The following PCSK5 variants were observed in gnomAD, a reference collection of about 807,000 sequenced individuals.
PCSK5 encodes proprotein convertase subtilisin/kexin type 5, also known as prohormone convertase 5.
PCSK5 carries 129 observed loss-of-function variants against 233.2 expected under a neutral mutation model. That is an observed-to-expected ratio of 0.55 (90% CI 0.48 to 0.64). PCSK5 has a LOEUF of 0.64. Ranked by LOEUF, PCSK5 falls within the 30% of genes least tolerant of loss-of-function variation. The pLI is 0.00. For synonymous variants in PCSK5, 825 were observed against 879.2 expected (o/e 0.94, Z 1.09); for missense variants, 2,076 against 2,430.1 (o/e 0.85, Z 3.06).
intron 7 of PCSK5, among the ~76,000 whole-genome samples, chr9:76,094,069 CCT>C (rs1469652886): frequency 1.3e-5 from 2 of 152,082 alleles, no homozygotes; most frequent in African/African-American, 4.8e-5. Context: ...AGTTTATCCC[CCT>C]CTCTATTCAT....
intron 8 of PCSK5, among the ~76,000 whole-genome samples, chr9:76,096,630 G>A (rs1264817259): frequency 1.4e-5 from 2 of 147,366 alleles, no homozygotes; most frequent in Admixed American, 6.8e-5. Flanking sequence ...TTGAGATGAA[G>A]TCTAACTGTT....
At chr9:76,035,659 G>A (rs978222381) in intron 5 of PCSK5, among the ~76,000 whole-genome samples, 4 of 152,092 alleles carry the variant, frequency 2.6e-5, no homozygotes, top group East Asian at 1.9e-4. Context: ...GATGGAAATC[G>A]CAGTAAAGGA....
At chr9:76,315,667 C>G (rs1829003264) in intron 30 of PCSK5, among the ~76,000 whole-genome samples, 1 of 130,360 alleles carries the variant, frequency 7.7e-6, no homozygotes, top group Non-Finnish European at 1.6e-5. Context: ...TTTTTTGAGA[C>G]AGAGTCTTGC....
intron 5 of PCSK5, among the ~76,000 whole-genome samples, chr9:76,065,127 A>G (rs1387753162): frequency 2.0e-5 from 3 of 152,210 alleles, no homozygotes; most frequent in Non-Finnish European, 4.4e-5. Context: ...TATCTTTTCA[A>G]TAGGCTGACT....
At chr9:76,277,402 AT>A (rs1827728400) in intron 24 of PCSK5, among the ~76,000 whole-genome samples, 2 of 152,202 alleles carry the variant, frequency 1.3e-5, no homozygotes, top group African/African-American at 2.4e-5. Context: ...CTAGAGAAGC[AT>A]GGAAATCCAC....
At chr9:75,931,886 A>G (rs1326487000) in intron 1 of PCSK5, among the ~76,000 whole-genome samples, 1 of 151,710 alleles carries the variant, frequency 6.6e-6, no homozygotes, top group Non-Finnish European at 1.5e-5. Context: ...AGTCACAAAC[A>G]AACGAAGTCA....
At position 76,027,414 on chromosome 9, in the gene PCSK5, A is replaced by G. The variant is rs545025603; in HGVS notation, c.632+377A>G. ...TCTGTTAAATTCAACACATGATTGA[A>G]TACTGCATTTGAGGTCCCTACCTGA... On this transcript the variant is annotated intron_variant, in intron 5 of 37. Coordinates refer to ENST00000674117, the MANE Select transcript of PCSK5 (RefSeq NM_001372043.1). Among the ~76,000 whole-genome samples the G allele has an allele frequency of 2.2e-4, 33 of 152,172 alleles. No homozygotes were observed. The South Asian group carries it at 3.3e-3, about 15-fold the overall frequency.
chr9:76,281,460 A>G (rs1235956612), intron 24 of PCSK5, among the ~76,000 whole-genome samples: 1 of 152,160 alleles, frequency 6.6e-6, no homozygotes, highest in East Asian at 1.9e-4. Context: ...CAGAATGGTT[A>G]CTGAATATTT....
At chr9:76,223,547 T>C (rs1403390522) in intron 20 of PCSK5, among the ~76,000 whole-genome samples, 1 of 152,202 alleles carries the variant, frequency 6.6e-6, no homozygotes, top group Non-Finnish European at 1.5e-5. Flanking sequence ...CTTCAACTTT[T>C]GAGGTAGCAT....
intron 24 of PCSK5, among the ~76,000 whole-genome samples, chr9:76,261,017 A>G (rs1415368720): frequency 6.6e-6 from 1 of 152,090 alleles, no homozygotes; most frequent in African/African-American, 2.4e-5. Context: ...GCCTATCCTG[A>G]AGACGTTTAC....
chr9:76,275,657 T>C (rs917499373), intron 24 of PCSK5, among the ~76,000 whole-genome samples: 2 of 152,190 alleles, frequency 1.3e-5, no homozygotes, highest in African/African-American at 4.8e-5. Context: ...ACTCCTGATC[T>C]CAAGTGATCC....
At chr9:75,908,929 A>C (rs13301228) in intron 1 of PCSK5, among the ~76,000 whole-genome samples, 4,898 of 101,058 alleles carry the variant, frequency 0.048, 115 homozygotes, top group Middle Eastern at 0.061. Flanking sequence ...CTATCTCTCT[A>C]TCTCTCTCTC....
intron 2 of PCSK5, among the ~76,000 whole-genome samples, chr9:75,945,336 A>G (rs1824515608): frequency 6.6e-6 from 1 of 152,050 alleles, no homozygotes; most frequent in Non-Finnish European, 1.5e-5. Flanking sequence ...GAACAGAATC[A>G]TTCTTGATTC....
At chr9:76,177,208 C>G (rs1240129904) in intron 14 of PCSK5, among the ~76,000 whole-genome samples, 1 of 151,996 alleles carries the variant, frequency 6.6e-6, no homozygotes, top group East Asian at 1.9e-4. Context: ...GCACAAGAAT[C>G]ACTTGAACTC....
intron 24 of PCSK5, among the ~76,000 whole-genome samples, chr9:76,248,455 T>G (rs1487672589): frequency 6.6e-6 from 1 of 152,170 alleles, no homozygotes; most frequent in African/African-American, 2.4e-5. Context: ...AAGGGAAAGC[T>G]CTTTTTTACA....
At chr9:76,066,502 T>C (rs574988286) in intron 5 of PCSK5, among the ~76,000 whole-genome samples, 2 of 152,304 alleles carry the variant, frequency 1.3e-5, no homozygotes, top group South Asian at 4.1e-4. Context: ...GTTCTTCGTA[T>C]TGTTGTTAAT....
chr9:75,960,670 A>G (rs928098627), intron 2 of PCSK5, among the ~76,000 whole-genome samples: 5 of 152,252 alleles, frequency 3.3e-5, no homozygotes, highest in Non-Finnish European at 7.3e-5. Flanking sequence ...TTATATTTAT[A>G]GAAGAGAAGG....
chr9:76,309,433 C>T (rs1477616095), intron 29 of PCSK5, among the ~76,000 whole-genome samples: 1 of 152,174 alleles, frequency 6.6e-6, no homozygotes, highest in Non-Finnish European at 1.5e-5. Context: ...ATGGCTCATG[C>T]CTGTAATCCC....
intron 24 of PCSK5, among the ~76,000 whole-genome samples, chr9:76,266,503 C>G (rs1181559559): frequency 6.6e-6 from 1 of 151,844 alleles, no homozygotes; most frequent in Non-Finnish European, 1.5e-5. Context: ...GATAAAAAAA[C>G]GTTGATGTTC....
Sources: allele counts gnomAD v4.1 joint callset (sites outside exome capture counted in the v4.1 genomes callset), GRCh38; gene constraint gnomAD v4.1.1; transcripts MANE v1.5; gene names NCBI Gene and HGNC (gene_info 2026-07-23, HGNC 2026-07-21).